Variants in LDB2 observed in about 807,000 individuals in gnomAD.
LDB2 encodes LIM domain binding 2.
A neutral mutation model predicts 44.3 loss-of-function variants in LDB2; 12 were observed. The ratio of observed to expected loss-of-function variants is 0.27; its 90% CI spans 0.17 to 0.44. The LOEUF is 0.44. LDB2 is among the 20% of genes least tolerant of loss of function. The probability of loss-of-function intolerance (pLI) is 1.00; values close to 1 mark genes in which losing one functional copy is unlikely to be tolerated. For synonymous variants in LDB2, 164 were observed against 174.8 expected, an observed-to-expected ratio of 0.94 and a Z score of 0.49; for missense variants, 344 against 473.5, an observed-to-expected ratio of 0.73 and a Z score of 2.54.
intron 1 of LDB2, among the ~76,000 whole-genome samples, chr4:16,880,515 C>T (rs747761431): frequency 1.3e-5 from 2 of 152,164 alleles, no homozygotes; most frequent in African/African-American, 2.4e-5. Context: ...AGAGGAACAG[C>T]GCTTGTCTGC....
chr4:16,863,314 G>A (rs1018057754), intron 1 of LDB2, among the ~76,000 whole-genome samples: 2 of 152,278 alleles, frequency 1.3e-5, no homozygotes, highest in Admixed American at 6.5e-5. Context: ...CTTAGCTAGT[G>A]AATAATCATA....
At chr4:16,790,941 G>A (rs760753787) in intron 1 of LDB2, among the ~76,000 whole-genome samples, 6 of 152,204 alleles carry the variant, frequency 3.9e-5, no homozygotes, top group Non-Finnish European at 7.3e-5. Context: ...GTGGATGAGA[G>A]CTATACATAC....
At chr4:16,747,610 T>A (rs368984841) in intron 2 of LDB2, among the ~76,000 whole-genome samples, 1 of 152,200 alleles carries the variant, frequency 6.6e-6, no homozygotes, top group Non-Finnish European at 1.5e-5. Flanking sequence ...ATATATGACA[T>A]GACAAACATT....
chr4:16,713,534 AAC>A (rs1357600904), intron 2 of LDB2, among the ~76,000 whole-genome samples: 1 of 152,174 alleles, frequency 6.6e-6, no homozygotes, highest in Non-Finnish European at 1.5e-5. Context: ...TCAACTGAGT[AAC>A]AATTATGTGC....
intron 1 of LDB2, among the ~76,000 whole-genome samples, chr4:16,785,730 C>T (rs914532114): frequency 2.0e-5 from 3 of 152,134 alleles, no homozygotes; most frequent in Admixed American, 6.5e-5. Context: ...CTGCTCCCCT[C>T]GACCCACATC....
intron 2 of LDB2, among the ~76,000 whole-genome samples, chr4:16,634,447 G>GA (rs1188997463): frequency 3.9e-4 from 60 of 152,000 alleles, no homozygotes; most frequent in African/African-American, 1.4e-3. Flanking sequence ...AAATTTACAA[G>GA]AAAAAAGCAA....
Position 16,502,619 on chromosome 4 carries a change from C to T in LDB2, c.*24G>A. The T allele has an allele frequency of 6.2e-7, 1 of 1,611,628 alleles. No homozygotes were observed. The highest frequency in any genetic ancestry group is 8.5e-7 in the Non-Finnish European group (1 of 1,177,838). ...TAATGATCACCCACGGGCCTATTGA[C>T]AGTGGATTCTGGTGCCGATCATCTT... On this transcript the variant is annotated 3_prime_UTR_variant, in exon 8 of 8. Transcript: ENST00000304523.
At chr4:16,606,153 A>G in intron 2 of LDB2, among the ~76,000 whole-genome samples, 1 of 152,266 alleles carries the variant, frequency 6.6e-6, no homozygotes, top group Non-Finnish European at 1.5e-5. Flanking sequence ...ACAAAGTTAT[A>G]TTAAATGTAT....
chr4:16,651,568 C>T (rs1219105644), intron 2 of LDB2, among the ~76,000 whole-genome samples: 1 of 139,142 alleles, frequency 7.2e-6, no homozygotes, highest in Non-Finnish European at 1.6e-5. Context: ...TTTTCTTGGA[C>T]CCTGGGGTGA....
intron 2 of LDB2, among the ~76,000 whole-genome samples, chr4:16,640,080 T>C (rs1340536217): frequency 6.6e-6 from 1 of 152,258 alleles, no homozygotes; most frequent in Non-Finnish European, 1.5e-5. Context: ...TGTGCCACTT[T>C]ACTTTCTACA....
At position 16,533,594 on chromosome 4, in the gene LDB2, C is replaced by T. The variant is rs575218650; in HGVS notation, c.616-21490G>A. ...TTTATTTTTGTCTATAAAGCTGAGA[C>T]TTCTCTCAAGAAAGCAAGACTGTGA... On this transcript the variant is annotated intron_variant, in intron 5 of 7. Transcript: ENST00000304523. This position sits in a 1 kb window ranked among gnomAD's most constrained non-coding sequence, Gnocchi z 4.1. Among the ~76,000 whole-genome samples, 297 of 152,276 alleles carry T rather than the reference C, an allele frequency of 2.0e-3. 1 individual carries two copies. Among genetic ancestry groups the T allele is most frequent in the Non-Finnish European group, 2.7e-3 (187 of 68,034 alleles).
chr4:16,800,655 A>G (rs1018799605), intron 1 of LDB2, among the ~76,000 whole-genome samples: 7 of 152,154 alleles, frequency 4.6e-5, no homozygotes, highest in Non-Finnish European at 1.0e-4. Context: ...AGAGGAATAG[A>G]AGACGTTTCT....
intron 2 of LDB2, among the ~76,000 whole-genome samples, chr4:16,704,675 G>A (rs1420988610): frequency 1.3e-5 from 2 of 152,188 alleles, no homozygotes; most frequent in African/African-American, 4.8e-5. Flanking sequence ...CAAGGCCTAT[G>A]ACGTAGTCAC....
At chr4:16,616,913 T>C (rs1727489311) in intron 2 of LDB2, among the ~76,000 whole-genome samples, 1 of 152,230 alleles carries the variant, frequency 6.6e-6, no homozygotes, top group Non-Finnish European at 1.5e-5. Context: ...TTTTATAGTT[T>C]GCATTCAAAT....
At chr4:16,729,654 G>A (rs771002927) in intron 2 of LDB2, among the ~76,000 whole-genome samples, 7 of 151,986 alleles carry the variant, frequency 4.6e-5, no homozygotes, top group African/African-American at 1.7e-4. Context: ...ACACCTCCCT[G>A]CACAAATCAA....
chr4:16,614,717 A>T (rs774850744), intron 2 of LDB2, among the ~76,000 whole-genome samples: 3 of 152,128 alleles, frequency 2.0e-5, no homozygotes, highest in Non-Finnish European at 4.4e-5. Context: ...CATCAGAGAA[A>T]TGCAAATGAA....
chr4:16,802,098 C>G (rs1367481425), intron 1 of LDB2, among the ~76,000 whole-genome samples: 1 of 151,754 alleles, frequency 6.6e-6, no homozygotes, highest in Non-Finnish European at 1.5e-5. Flanking sequence ...TAGGGAAGGG[C>G]TCCAAGTGTC....
At chr4:16,763,296 C>T (rs1473368238) in intron 1 of LDB2, among the ~76,000 whole-genome samples, 1 of 152,146 alleles carries the variant, frequency 6.6e-6, no homozygotes, top group East Asian at 1.9e-4. Flanking sequence ...ACAAACTCAG[C>T]TCGGGAAATC....
chr4:16,739,595 T>TAA, intron 2 of LDB2, among the ~76,000 whole-genome samples: 1 of 86,298 alleles, frequency 1.2e-5, no homozygotes, highest in East Asian at 6.2e-4. Flanking sequence ...AAAAAATATA[T>TAA]ATATATATAT....
Sources: gnomAD v4.1 joint callset for allele counts (sites outside exome capture counted in the v4.1 genomes callset) on GRCh38, gnomAD v4.1.1 for gene constraint, Gnocchi (gnomAD v3.1) non-coding constraint, MANE v1.5 for transcripts, NCBI Gene and HGNC (gene_info 2026-07-23, HGNC 2026-07-21) for gene names.